The following LRRTM4 variants were observed in gnomAD, a reference collection of about 807,000 sequenced individuals.
LRRTM4 encodes leucine rich repeat transmembrane neuronal 4.
A neutral mutation model predicts 47.6 loss-of-function variants in LRRTM4; 25 were observed. That is an observed-to-expected ratio of 0.53 (90% CI 0.38 to 0.73). The LOEUF is 0.73. Among genes scored for constraint, LRRTM4 ranks in the 30% least tolerant of loss-of-function variants. The pLI is 0.00. For synonymous variants in LRRTM4, 311 were observed against 269.5 expected, an observed-to-expected ratio of 1.15 and a Z score of -1.51; for missense variants, 638 against 713.4, an observed-to-expected ratio of 0.89 and a Z score of 1.20.
chr2:77,350,424 C>T (rs916483676), intron 3 of LRRTM4, among the ~76,000 whole-genome samples: 1 of 130,840 alleles, frequency 7.6e-6, no homozygotes, highest in African/African-American at 2.8e-5. Context: ...AAAATTAATA[C>T]ATTTGAAATA....
intron 3 of LRRTM4, among the ~76,000 whole-genome samples, chr2:76,873,139 G>A (rs1382953241): frequency 6.6e-6 from 1 of 151,988 alleles, no homozygotes; most frequent in Non-Finnish European, 1.5e-5. Context: ...AGTAATTTAT[G>A]ACATAAACGG....
In LRRTM4 at chr2:77,083,481, G is replaced by A. The variant is rs557879177; in HGVS notation, c.1552-334565C>T. 8.5e-5 allele frequency among the ~76,000 whole-genome samples: 13 copies of A among 152,232 alleles called. No individual in the cohort carries two copies. The East Asian group carries it at 2.1e-3, about 25-fold the overall frequency. On this transcript the variant is annotated intron_variant, in intron 3 of 3. Transcript: ENST00000409884. Reference sequence around the variant, plus strand: ...ATTTCACCAACCATTGATTTTAACAGTGGAAACCAGTAAGCTGACCAAAAA... The same window carrying A: ...ATTTCACCAACCATTGATTTTAACAATGGAAACCAGTAAGCTGACCAAAAA...
intron 3 of LRRTM4, among the ~76,000 whole-genome samples, chr2:77,239,798 T>A (rs1203558736): frequency 7.2e-5 from 11 of 151,742 alleles, no homozygotes; most frequent in Non-Finnish European, 1.3e-4. Context: ...GAAAAAATAA[T>A]CCACAAATTT....
At chr2:77,166,230 C>T (rs1389216698) in intron 3 of LRRTM4, among the ~76,000 whole-genome samples, 1 of 152,046 alleles carries the variant, frequency 6.6e-6, no homozygotes, top group African/African-American at 2.4e-5. Flanking sequence ...GAATAAAATA[C>T]CTGGGAATGC....
rs1397814966 is a variant in LRRTM4, at chr2:76,856,401, G to C, written c.1552-107485C>G. Among the ~76,000 whole-genome samples the C allele has an allele frequency of 2.0e-5, 3 of 152,154 alleles. No individual in the cohort carries two copies. The East Asian group carries it at 5.8e-4, about 29-fold the overall frequency. On this transcript the variant is annotated intron_variant, in intron 3 of 3. Coordinates refer to ENST00000409884, the MANE Select transcript of LRRTM4 (RefSeq NM_001134745.3). ...AATATCCACTATGGTTGAAGTGCCT[G>C]TTAAGAAGGTCTCTCATATATGTAA... is the stretch of plus-strand genomic sequence containing the variant.
At chr2:76,779,705 CTCTT>C (rs1372868928) in intron 3 of LRRTM4, among the ~76,000 whole-genome samples, 2 of 151,936 alleles carry the variant, frequency 1.3e-5, no homozygotes, top group African/African-American at 4.8e-5. Context: ...TGGGTCTTGA[CTCTT>C]TATCCAATTT....
intron 3 of LRRTM4, among the ~76,000 whole-genome samples, chr2:77,425,584 T>C (rs1675073052): frequency 6.6e-6 from 1 of 152,192 alleles, no homozygotes; most frequent in Non-Finnish European, 1.5e-5. Context: ...TTTCATTCTA[T>C]AATATTTCCC....
At chr2:76,826,054 T>C (rs1170926264) in intron 3 of LRRTM4, among the ~76,000 whole-genome samples, 1 of 151,728 alleles carries the variant, frequency 6.6e-6, no homozygotes, top group Admixed American at 6.6e-5. Flanking sequence ...GAATTACACA[T>C]AGAATAATAG....
chr2:77,086,409 A>AGTGTGTGTGTGTGT (rs111490311), intron 3 of LRRTM4, among the ~76,000 whole-genome samples: 25,056 of 150,582 alleles, frequency 0.17, 3,296 homozygotes, highest in East Asian at 0.4. Context: ...AAACATTTTT[A>AGTGTGTGTGTGTGT]GTGTGTGTAT....
At chr2:76,878,201 G>T (rs1263765262) in intron 3 of LRRTM4, among the ~76,000 whole-genome samples, 2 of 152,050 alleles carry the variant, frequency 1.3e-5, no homozygotes, top group African/African-American at 4.8e-5. Context: ...ACAGCAAACG[G>T]CACTCATATA....
At chr2:77,496,287 T>C (rs180926938) in intron 3 of LRRTM4, among the ~76,000 whole-genome samples, 9 of 152,052 alleles carry the variant, frequency 5.9e-5, no homozygotes, top group African/African-American at 2.2e-4. Context: ...CAGATTGTTT[T>C]ACATTTTTCT....
intron 3 of LRRTM4, among the ~76,000 whole-genome samples, chr2:77,370,138 G>T (rs1196871188): frequency 6.6e-6 from 1 of 151,654 alleles, no homozygotes; most frequent in Non-Finnish European, 1.5e-5. Context: ...CACAAGCAAG[G>T]TTGTTGCTTG....
intron 3 of LRRTM4, among the ~76,000 whole-genome samples, chr2:76,970,674 T>C (rs1676188049): frequency 6.6e-6 from 1 of 152,058 alleles, no homozygotes; most frequent in African/African-American, 2.4e-5. Flanking sequence ...TCTTCACATA[T>C]GTTCTGCCAA....
intron 3 of LRRTM4, among the ~76,000 whole-genome samples, chr2:77,137,591 A>T (rs1260716513): frequency 6.6e-6 from 1 of 152,144 alleles, no homozygotes; most frequent in Admixed American, 6.6e-5. Context: ...ACCAGCTAAC[A>T]TCATAATGAC....
At position 77,283,989 on chromosome 2, in the gene LRRTM4, G is replaced by T. The variant is rs76699547; in HGVS notation, c.1551+234329C>A. Among the ~76,000 whole-genome samples, 1,069 of 152,068 alleles carry T rather than the reference G, an allele frequency of 7.0e-3. 9 individuals are homozygous for T. The highest frequency in any genetic ancestry group is 0.025 in the African/African-American group (1,025 of 41,486). ...GAATATAAAATAAAAGTTGAAAAAA[G>T]TTTGAAGGCACAAATAAGTAAATAA... is the stretch of plus-strand genomic sequence containing the variant. On this transcript the variant is annotated intron_variant, in intron 3 of 3. Transcript: ENST00000409884.
intron 3 of LRRTM4, among the ~76,000 whole-genome samples, chr2:76,906,013 T>C (rs1294082085): frequency 3.3e-5 from 5 of 151,978 alleles, no homozygotes; most frequent in Non-Finnish European, 7.4e-5. Context: ...AAGATACTCC[T>C]CGAGAAGAGC....
intron 3 of LRRTM4, among the ~76,000 whole-genome samples, chr2:76,854,795 G>A (rs1672099550): frequency 6.9e-6 from 1 of 144,194 alleles, no homozygotes; most frequent in Non-Finnish European, 1.5e-5. Context: ...ATTGAATGAA[G>A]TATAAAAAAG....
intron 3 of LRRTM4, among the ~76,000 whole-genome samples, chr2:77,214,134 T>C (rs1674372456): frequency 6.6e-6 from 1 of 152,284 alleles, no homozygotes; most frequent in Middle Eastern, 3.4e-3. Flanking sequence ...TTGCCTTTAC[T>C]TGAGAGTACA....
chr2:76,853,691 T>G (rs1205476481), intron 3 of LRRTM4, among the ~76,000 whole-genome samples: 3 of 152,276 alleles, frequency 2.0e-5, no homozygotes, highest in African/African-American at 7.2e-5. Context: ...TTTGAAACTC[T>G]CTTTCACAGT....
Sources: gnomAD v4.1 joint callset for allele counts (sites outside exome capture counted in the v4.1 genomes callset) on GRCh38, gnomAD v4.1.1 for gene constraint, MANE v1.5 for transcripts, NCBI Gene and HGNC (gene_info 2026-07-23, HGNC 2026-07-21) for gene names.